Variants in MKLN1 observed in about 807,000 individuals in gnomAD.
MKLN1 encodes muskelin 1.
MKLN1 carries 18 observed loss-of-function variants against 99.0 expected under a neutral mutation model. That is an observed-to-expected ratio of 0.18 (90% confidence interval 0.13 to 0.27). MKLN1 has a LOEUF of 0.27. Among genes scored for constraint, MKLN1 ranks in the 10% least tolerant of loss-of-function variants. The probability of loss-of-function intolerance (pLI) is 1.00; values close to 1 mark genes in which losing one functional copy is unlikely to be tolerated. For synonymous variants in MKLN1, 288 were observed against 293.2 expected, an observed-to-expected ratio of 0.98 and a Z score of 0.18; for missense variants, 621 against 875.9, an observed-to-expected ratio of 0.71 and a Z score of 3.67.
At chr7:131,363,773 T>C (rs1281166677) in intron 1 of MKLN1, among the ~76,000 whole-genome samples, 2 of 151,200 alleles carry the variant, frequency 1.3e-5, no homozygotes, top group African/African-American at 4.8e-5. Flanking sequence ...AAAAAAAAAC[T>C]GTCCTGCCGT....
upstream of MKLN1, chr7:131,324,381 G>C (rs576037394): frequency 3.3e-5 from 5 of 152,312 alleles, no homozygotes; most frequent in South Asian, 2.1e-4. Flanking sequence ...CAGCTGGTTG[G>C]GGGGAGTCAC....
intron 3 of MKLN1, among the ~76,000 whole-genome samples, chr7:131,281,897 C>G (rs1798057616): frequency 6.6e-6 from 1 of 152,046 alleles, no homozygotes; most frequent in Admixed American, 6.6e-5. Flanking sequence ...TGGCCTTGAA[C>G]TCCTGGCCTC....
chr7:131,116,188 A>AAT (rs34767297), intron 1 of MKLN1, among the ~76,000 whole-genome samples: 11,452 of 150,862 alleles, frequency 0.076, 511 homozygotes, highest in South Asian at 0.14. Context: ...CTATATAATG[A>AAT]ATATATATAT....
chr7:131,210,018 A>AC (rs1290439945), intron 3 of MKLN1, among the ~76,000 whole-genome samples: 1 of 152,250 alleles, frequency 6.6e-6, no homozygotes, highest in East Asian at 1.9e-4. Context: ...TCTATTGCCA[A>AC]ACATCTTGTT....
At chr7:131,232,524 A>G (rs1563261093) in intron 3 of MKLN1, among the ~76,000 whole-genome samples, 1 of 152,234 alleles carries the variant, frequency 6.6e-6, no homozygotes, top group Non-Finnish European at 1.5e-5. Flanking sequence ...CTTTATAATT[A>G]TAGTGATATT....
At chr7:131,404,401 G>T (rs947853914) in intron 6 of MKLN1, among the ~76,000 whole-genome samples, 2 of 152,018 alleles carry the variant, frequency 1.3e-5, no homozygotes, top group Non-Finnish European at 2.9e-5. Flanking sequence ...GTTAACTTTA[G>T]CCTTGAACTC....
chr7:131,443,429 C>T, intron 10 of MKLN1, 52 bp from the exon 11 acceptor site: 6 of 1,350,530 alleles, frequency 4.4e-6, no homozygotes, highest in Non-Finnish European at 6.4e-6. Context: ...TGTTTTAGCA[C>T]ATATGACAGG....
rs1351835978 is a variant in MKLN1 at position 131,165,128 on chromosome 7, A to G, written c.-297+22187A>G. Among the ~76,000 whole-genome samples, 10 of 152,118 alleles carry G rather than the reference A, an allele frequency of 6.6e-5. No homozygotes were observed. In the East Asian group the frequency reaches 1.9e-3, roughly 29 times the overall value. On this transcript the variant is annotated intron_variant, in intron 2 of 7. Transcript: ENST00000416992. ...AAGAAAGTGATATTTGGGATCCCGG[A>G]AGTGTGGGTAGGATTTCTGGGTGGG...
intron 1 of MKLN1, among the ~76,000 whole-genome samples, chr7:131,374,310 C>G (rs1793567683): frequency 6.6e-6 from 1 of 152,030 alleles, no homozygotes. Flanking sequence ...TTTTTGGGTA[C>G]TGGTGTGTCA....
intron 3 of MKLN1, among the ~76,000 whole-genome samples, chr7:131,204,020 C>A (rs555278898): frequency 6.6e-6 from 1 of 152,302 alleles, no homozygotes; most frequent in East Asian, 1.9e-4. Context: ...ACCAATACAG[C>A]TTTAACTACC....
intron 1 of MKLN1, among the ~76,000 whole-genome samples, chr7:131,373,195 C>T (rs183629955): frequency 1.7e-4 from 26 of 152,158 alleles, no homozygotes; most frequent in Admixed American, 2.0e-4. Flanking sequence ...TGGCCAACAA[C>T]TGCTGTTATA....
At chr7:131,462,392 C>G (rs1055610570) in intron 12 of MKLN1, among the ~76,000 whole-genome samples, 2 of 152,190 alleles carry the variant, frequency 1.3e-5, no homozygotes, top group African/African-American at 4.8e-5. Context: ...TTAAATGACT[C>G]TGACCTTATT....
chr7:131,372,740 T>A (rs2116839164), intron 1 of MKLN1, among the ~76,000 whole-genome samples: 1 of 150,874 alleles, frequency 6.6e-6, no homozygotes, highest in African/African-American at 2.4e-5. Context: ...TTTTTTTTTT[T>A]AGATAAAGTT....
At chr7:131,477,863 C>T (rs1259622035) in intron 16 of MKLN1, among the ~76,000 whole-genome samples, 1 of 152,194 alleles carries the variant, frequency 6.6e-6, no homozygotes, top group Non-Finnish European at 1.5e-5. Flanking sequence ...CTAATTCATT[C>T]CTTTAACTGG....
At chr7:131,124,145 T>C (rs1017314107) in intron 1 of MKLN1, among the ~76,000 whole-genome samples, 5 of 152,160 alleles carry the variant, frequency 3.3e-5, no homozygotes, top group Non-Finnish European at 5.9e-5. Context: ...AATAAGATCA[T>C]GTATGTAAAT....
chr7:131,157,071 A>C (rs1413544978), intron 2 of MKLN1, among the ~76,000 whole-genome samples: 1 of 152,092 alleles, frequency 6.6e-6, no homozygotes, highest in Admixed American at 6.6e-5. Context: ...TACAGGATCA[A>C]ATGTTCTACT....
chr7:131,221,281 T>C (rs191465390), intron 3 of MKLN1, among the ~76,000 whole-genome samples: 5 of 152,206 alleles, frequency 3.3e-5, no homozygotes, highest in East Asian at 3.9e-4. Flanking sequence ...GAGCTCCCCA[T>C]TGTTGGTTCA....
chr7:131,271,429 T>A (rs923870673), intron 3 of MKLN1, among the ~76,000 whole-genome samples: 2 of 150,066 alleles, frequency 1.3e-5, no homozygotes, highest in Admixed American at 6.6e-5. Flanking sequence ...CCATCCTCGC[T>A]AACACGGTGA....
intron 3 of MKLN1, among the ~76,000 whole-genome samples, chr7:131,217,066 C>T (rs773215477): frequency 2.6e-5 from 4 of 152,054 alleles, no homozygotes; most frequent in South Asian, 2.1e-4. Context: ...AAGGAATTGT[C>T]GATGGCATTT....
Sources: allele counts gnomAD v4.1 joint callset (sites outside exome capture counted in the v4.1 genomes callset), GRCh38; gene constraint gnomAD v4.1.1; transcripts MANE v1.5; gene names NCBI Gene and HGNC (gene_info 2026-07-23, HGNC 2026-07-21).